CNTN5: variants seen among roughly 807,000 people sequenced by gnomAD.
CNTN5 encodes the protein contactin-5.
CNTN5 carries 77 observed loss-of-function variants against 129.1 expected under a neutral mutation model. The observed-to-expected ratio is 0.60, with a 90% CI of 0.50 to 0.72. CNTN5 has a LOEUF of 0.72. Ranked by LOEUF, CNTN5 falls within the 30% of genes least tolerant of loss-of-function variation. CNTN5 has a pLI of 0.00. For synonymous variants in CNTN5, 509 were observed against 465.6 expected, an observed-to-expected ratio of 1.09 and a Z score of -1.20; for missense variants, 1,478 against 1,328.8, an observed-to-expected ratio of 1.11 and a Z score of -1.75.
intron 3 of CNTN5, among the ~76,000 whole-genome samples, chr11:99,686,230 C>T (rs1953786044): frequency 6.6e-6 from 1 of 152,050 alleles, no homozygotes; most frequent in South Asian, 2.1e-4. Flanking sequence ...CCACTGCTCT[C>T]TATTCCTTCC....
At chr11:99,462,920 A>G (rs1944771771) in intron 2 of CNTN5, among the ~76,000 whole-genome samples, 1 of 152,000 alleles carries the variant, frequency 6.6e-6, no homozygotes, top group African/African-American at 2.4e-5. Flanking sequence ...CCCCGTCTCT[A>G]CTAAAAATAC....
chr11:99,961,975 GATAGAT>G (rs1950958509), intron 8 of CNTN5, among the ~76,000 whole-genome samples: 1 of 146,310 alleles, frequency 6.8e-6, no homozygotes, highest in Non-Finnish European at 1.5e-5. Context: ...GAGACATATA[GATAGAT>G]ATAGTTATAT....
intron 8 of CNTN5, among the ~76,000 whole-genome samples, chr11:99,981,003 C>A (rs1938293938): frequency 6.9e-6 from 1 of 144,056 alleles, no homozygotes; most frequent in African/African-American, 2.5e-5. Context: ...ATGAATACAA[C>A]CATATATAAT....
intron 1 of CNTN5, among the ~76,000 whole-genome samples, chr11:99,324,981 A>G (rs1375093514): frequency 6.6e-6 from 1 of 152,148 alleles, no homozygotes; most frequent in Non-Finnish European, 1.5e-5. Flanking sequence ...TTAACATTGC[A>G]TATGCTAGGA....
intron 3 of CNTN5, among the ~76,000 whole-genome samples, chr11:99,618,101 A>G (rs76392867): frequency 0.028 from 4,338 of 152,238 alleles, 170 homozygotes; most frequent in East Asian, 0.092. Flanking sequence ...TAAAAGAAAT[A>G]CCTAAAACTT....
chr11:99,651,427 A>T (rs1317835262), intron 3 of CNTN5, among the ~76,000 whole-genome samples: 1 of 151,950 alleles, frequency 6.6e-6, no homozygotes, highest in Admixed American at 6.6e-5. Context: ...AAATGATAGA[A>T]ATTCTAATCT....
At chr11:99,789,847 G>T (rs1180356242) in intron 3 of CNTN5, among the ~76,000 whole-genome samples, 1 of 151,936 alleles carries the variant, frequency 6.6e-6, no homozygotes, top group African/African-American at 2.4e-5. Context: ...TGATGCTGAG[G>T]TTTATGGTAC....
intron 4 of CNTN5, among the ~76,000 whole-genome samples, chr11:99,837,014 G>A (rs539170957): frequency 6.6e-6 from 1 of 152,064 alleles, no homozygotes; most frequent in Non-Finnish European, 1.5e-5. Context: ...ATTTTGGCTG[G>A]CTGCTTTACT....
intron 2 of CNTN5, among the ~76,000 whole-genome samples, chr11:99,417,887 G>A (rs931937627): frequency 6.6e-5 from 10 of 152,152 alleles, no homozygotes; most frequent in Non-Finnish European, 1.3e-4. Flanking sequence ...AGTGCAATGA[G>A]ATGTATTCAA....
At chr11:99,558,429 A>T (rs1003293265) in intron 3 of CNTN5, 1 of 168,664 alleles carries the variant, frequency 5.9e-6, no homozygotes, top group African/African-American at 2.4e-5. Flanking sequence ...GCAATATTTT[A>T]TTTCATTTTA....
intron 16 of CNTN5, among the ~76,000 whole-genome samples, chr11:100,241,842 T>C (rs560766864): frequency 2.0e-5 from 3 of 152,326 alleles, no homozygotes; most frequent in East Asian, 3.9e-4. Context: ...TGACAGAATC[T>C]ACTGAAAAAG....
chr11:99,581,256 G>A (rs1403360852), intron 3 of CNTN5, among the ~76,000 whole-genome samples: 1 of 127,424 alleles, frequency 7.8e-6, no homozygotes. Context: ...TTCCAACTAT[G>A]TGGTCAATTT....
chr11:99,248,620 A>C (rs1861940913), intron 1 of CNTN5, among the ~76,000 whole-genome samples: 1 of 152,192 alleles, frequency 6.6e-6, no homozygotes, highest in Non-Finnish European at 1.5e-5. Context: ...TTTTTAATCC[A>C]TCTTGAATTA....
chr11:99,243,754 T>TTTTG (rs398045466), intron 1 of CNTN5, among the ~76,000 whole-genome samples: 2 of 144,540 alleles, frequency 1.4e-5, no homozygotes, highest in Admixed American at 7.5e-5. Flanking sequence ...TTTTTTTTTT[T>TTTTG]GGAGATCAGT....
intron 1 of CNTN5, among the ~76,000 whole-genome samples, chr11:99,273,443 T>G (rs1245164859): frequency 6.6e-6 from 1 of 151,800 alleles, no homozygotes; most frequent in Non-Finnish European, 1.5e-5. Flanking sequence ...ACAGAACCAT[T>G]TTTCTTAGGA....
chr11:100,092,652 A>ACAC (rs1565232653), intron 13 of CNTN5, among the ~76,000 whole-genome samples: 1 of 152,168 alleles, frequency 6.6e-6, no homozygotes. Flanking sequence ...TAGAGGTGGC[A>ACAC]CACCACATTA....
At chr11:99,638,655 G>T (rs1177312368) in intron 3 of CNTN5, among the ~76,000 whole-genome samples, 1 of 152,082 alleles carries the variant, frequency 6.6e-6, no homozygotes, top group South Asian at 2.1e-4. Context: ...GGGTTTTCAG[G>T]GTCCATGCAA....
At chr11:99,071,425 G>A (rs1258759115) in intron 1 of CNTN5, among the ~76,000 whole-genome samples, 1 of 151,822 alleles carries the variant, frequency 6.6e-6, no homozygotes, top group African/African-American at 2.4e-5. Flanking sequence ...AGGACAAAGG[G>A]TTACCTTAAA....
At chr11:99,530,516 C>T (rs891566087) in intron 2 of CNTN5, among the ~76,000 whole-genome samples, 14 of 152,214 alleles carry the variant, frequency 9.2e-5, no homozygotes, top group African/African-American at 2.9e-4. Flanking sequence ...CCCTGAACCT[C>T]ATGGATCTTA....
Sources: gnomAD v4.1 joint callset for allele counts (sites outside exome capture counted in the v4.1 genomes callset) on GRCh38, gnomAD v4.1.1 for gene constraint, MANE v1.5 for transcripts, NCBI Gene and HGNC (gene_info 2026-07-23, HGNC 2026-07-21) for gene names.